SNTG1: variants seen among roughly 807,000 people sequenced by gnomAD.
SNTG1 encodes syntrophin gamma 1.
SNTG1 carries 39 observed loss-of-function variants against 74.7 expected under a neutral mutation model. That is an observed-to-expected ratio of 0.52 (90% CI 0.40 to 0.68). SNTG1 has a LOEUF of 0.68. Among genes scored for constraint, SNTG1 ranks in the 30% least tolerant of loss-of-function variants. The pLI, the probability that SNTG1 is intolerant of heterozygous loss-of-function variation, is 0.00. For synonymous variants in SNTG1, 254 were observed against 217.1 expected (o/e 1.17, Z -1.49); for missense variants, 685 against 609.5 (o/e 1.12, Z -1.30).
At chr8:50,558,640 T>C (rs754598429) in intron 12 of SNTG1, among the ~76,000 whole-genome samples, 15 of 152,140 alleles carry the variant, frequency 9.9e-5, no homozygotes, top group Non-Finnish European at 1.8e-4. Context: ...TGCAGTGTTT[T>C]TTTTTTCCTT....
At chr8:50,083,518 G>A (rs1345233230) in intron 1 of SNTG1, among the ~76,000 whole-genome samples, 1 of 152,150 alleles carries the variant, frequency 6.6e-6, no homozygotes, top group African/African-American at 2.4e-5. Flanking sequence ...AAAGCAACTG[G>A]AAATCTGTGA....
intron 1 of SNTG1, among the ~76,000 whole-genome samples, chr8:49,992,531 T>G (rs368270415): frequency 6.6e-6 from 1 of 152,160 alleles, no homozygotes; most frequent in Non-Finnish European, 1.5e-5. Context: ...TAAACCTTGG[T>G]GGGTATAAGC....
intron 12 of SNTG1, among the ~76,000 whole-genome samples, chr8:50,570,851 G>A (rs2094545423): frequency 6.6e-6 from 1 of 151,336 alleles, no homozygotes; most frequent in African/African-American, 2.4e-5. Context: ...TGATCTGCCT[G>A]CCTCAGCCTC....
intron 4 of SNTG1, among the ~76,000 whole-genome samples, chr8:50,420,884 G>A (rs1009282925): frequency 6.6e-6 from 1 of 151,950 alleles, no homozygotes; most frequent in South Asian, 2.1e-4. Context: ...AATTAGCTTT[G>A]TGTGGTGGCA....
At chr8:50,636,980 G>A (rs1206245198) in intron 13 of SNTG1, among the ~76,000 whole-genome samples, 1 of 152,058 alleles carries the variant, frequency 6.6e-6, no homozygotes, top group African/African-American at 2.4e-5. Flanking sequence ...TCAGAAATTT[G>A]TCTTGTAGCT....
chr8:50,454,045 G>T (rs2093480073), intron 8 of SNTG1, among the ~76,000 whole-genome samples: 1 of 152,182 alleles, frequency 6.6e-6, no homozygotes, highest in Non-Finnish European at 1.5e-5. Context: ...AGAGACCAAA[G>T]CCCATCAAGG....
intron 13 of SNTG1, among the ~76,000 whole-genome samples, chr8:50,609,057 A>G (rs78918581): frequency 0.013 from 2,029 of 152,168 alleles, 49 homozygotes; most frequent in African/African-American, 0.045. Context: ...AGGATTATTC[A>G]TGTTTTAAGC....
At chr8:49,949,583 C>T (rs1341710980) in intron 1 of SNTG1, among the ~76,000 whole-genome samples, 1 of 152,164 alleles carries the variant, frequency 6.6e-6, no homozygotes, top group East Asian at 1.9e-4. Flanking sequence ...AACAGCATTA[C>T]TTCATAGATG....
At chr8:50,133,115 C>T (rs1326186694) in intron 1 of SNTG1, among the ~76,000 whole-genome samples, 2 of 152,190 alleles carry the variant, frequency 1.3e-5, no homozygotes, top group African/African-American at 2.4e-5. Flanking sequence ...CCAGTCTGCA[C>T]CTTCTGTGCT....
chr8:50,313,850 A>T (rs1003189316), intron 2 of SNTG1, among the ~76,000 whole-genome samples: 1 of 149,940 alleles, frequency 6.7e-6, no homozygotes, highest in Non-Finnish European at 1.5e-5. Flanking sequence ...AATATTTAAA[A>T]GTAAGTTTTG....
chr8:50,725,288 A>G (rs987435528), intron 17 of SNTG1, among the ~76,000 whole-genome samples: 4 of 152,160 alleles, frequency 2.6e-5, no homozygotes, highest in Admixed American at 1.3e-4. Context: ...ATGGGTGAAC[A>G]TTAAACAACA....
At chr8:50,395,714 T>C (rs1163392260) in intron 3 of SNTG1, among the ~76,000 whole-genome samples, 1 of 152,108 alleles carries the variant, frequency 6.6e-6, no homozygotes, top group African/African-American at 2.4e-5. Flanking sequence ...GGTTTCACCG[T>C]GTTAGCCAGG....
At chr8:50,027,821 G>A (rs1371129245) in intron 1 of SNTG1, among the ~76,000 whole-genome samples, 1 of 152,128 alleles carries the variant, frequency 6.6e-6, no homozygotes, top group Non-Finnish European at 1.5e-5. Flanking sequence ...GAAGTACATT[G>A]ATTTTTGTTC....
At chr8:50,529,017 T>C (rs1253498906) in intron 9 of SNTG1, among the ~76,000 whole-genome samples, 1 of 151,880 alleles carries the variant, frequency 6.6e-6, no homozygotes, top group Non-Finnish European at 1.5e-5. Context: ...TACCTTCTTT[T>C]GGTGTATGTA....
chr8:49,921,765 G>A lies in SNTG1; in HGVS notation c.-103+9534G>A, dbSNP rs532933881. On this transcript the variant is annotated intron_variant, in intron 1 of 18. Coordinates refer to ENST00000642720, the MANE Select transcript of SNTG1 (RefSeq NM_018967.5). ...CTACCTGGGAAGACATCTGTTTAAA[G>A]TTTTCTTTTCTCCACCTCATTATAT... 2.6e-5 allele frequency among the ~76,000 whole-genome samples: 4 copies of A among 152,080 alleles called. No homozygotes were observed. In the East Asian group the frequency reaches 7.8e-4, roughly 29 times the overall value.
At position 50,726,839 on chromosome 8, in the gene SNTG1, A is replaced by C. The variant is rs555057316; in HGVS notation, c.1284+17861A>C. 2.0e-4 allele frequency among the ~76,000 whole-genome samples: 30 copies of C among 152,168 alleles called. No homozygotes were observed. In the South Asian group the frequency reaches 6.0e-3, roughly 31 times the overall value. ...ACTACAGCCCAGGCGACAGAGTGAG[A>C]CTCTGTCTCAAAAAACAATAAAATA... On this transcript the variant is annotated intron_variant, in intron 17 of 18. Coordinates refer to ENST00000642720, the MANE Select transcript of SNTG1 (RefSeq NM_018967.5).
chr8:49,918,714 T>A (rs1806264440), intron 1 of SNTG1, among the ~76,000 whole-genome samples: 1 of 152,158 alleles, frequency 6.6e-6, no homozygotes, highest in African/African-American at 2.4e-5. Context: ...TGGCAATTTT[T>A]TTTTGTAATT....
intron 8 of SNTG1, among the ~76,000 whole-genome samples, chr8:50,485,183 G>T (rs569742221): frequency 6.6e-6 from 1 of 152,114 alleles, no homozygotes; most frequent in Non-Finnish European, 1.5e-5. Flanking sequence ...GTGGAAAAAC[G>T]GCTGGGACCA....
At chr8:50,463,964 T>TA (rs1445662270) in intron 8 of SNTG1, among the ~76,000 whole-genome samples, 1 of 152,232 alleles carries the variant, frequency 6.6e-6, no homozygotes, top group African/African-American at 2.4e-5. Flanking sequence ...TATCAGCACT[T>TA]ACTGCTTCAC....
Sources: allele counts gnomAD v4.1 joint callset (sites outside exome capture counted in the v4.1 genomes callset), GRCh38; gene constraint gnomAD v4.1.1; transcripts MANE v1.5; gene names NCBI Gene and HGNC (gene_info 2026-07-23, HGNC 2026-07-21).